The following UBAP2L variants were observed in gnomAD, a reference collection of about 807,000 sequenced individuals.
UBAP2L encodes ubiquitin associated protein 2 like.
A neutral mutation model predicts 130.6 loss-of-function variants in UBAP2L; 12 were observed. The observed-to-expected ratio is 0.09, with a 90% confidence interval of 0.06 to 0.15. The LOEUF is 0.15. Among genes scored for constraint, UBAP2L ranks in the 10% least tolerant of loss-of-function variants. The pLI is 1.00. For missense variants in UBAP2L, 965 were observed against 1,332.5 expected (o/e 0.72, Z 4.29); for synonymous variants, 503 against 524.7 (o/e 0.96, Z 0.57).
intron 11 of UBAP2L, 154 bp downstream of exon 11, chr1:154,246,529 A>C: frequency 1.3e-6 from 1 of 740,798 alleles, no homozygotes; most frequent in South Asian, 2.1e-5. Flanking sequence ...TGAGTTGGGT[A>C]ATAGGGGGTA....
rs573884290 is a variant in UBAP2L at position 154,253,759 on chromosome 1, G to A, written c.1665-141G>A. 7.9e-5 allele frequency: 62 copies of A among 781,420 alleles called. 1 individual carries two copies. The South Asian group carries it at 1.1e-3, about 14-fold the overall frequency. 48.4% of individuals were successfully genotyped at this position (781,420 alleles called of 1,614,324 possible). A position where few individuals can be genotyped will look rare whatever the true frequency, so the allele number is the denominator to read the frequency against. ...CTAGTGTTATCAGGAGGAAATTTTG[G>A]TAGATTCTTCTATTTGTTGCTGAAA... On this transcript the variant is annotated intron_variant, in intron 14 of 26. Coordinates refer to ENST00000428931, the MANE Select transcript of UBAP2L (RefSeq NM_014847.4).
At chr1:154,223,656 A>G (rs1245696817) in intron 1 of UBAP2L, among the ~76,000 whole-genome samples, 2 of 152,030 alleles carry the variant, frequency 1.3e-5, no homozygotes, top group African/African-American at 4.8e-5. Context: ...GGGAAGAGGT[A>G]ATGGGTTAAA....
intron 8 of UBAP2L, among the ~76,000 whole-genome samples, chr1:154,239,114 T>C (rs572736942): frequency 2.0e-5 from 3 of 152,172 alleles, no homozygotes; most frequent in Non-Finnish European, 4.4e-5. Flanking sequence ...CAAACTTGAG[T>C]TTCCCCTTTA....
At chr1:154,251,008 C>A (rs1371526408) in intron 12 of UBAP2L, 33 bp from the exon 13 acceptor site, 3 of 1,580,338 alleles carry the variant, frequency 1.9e-6, no homozygotes, top group Non-Finnish European at 2.6e-6. Flanking sequence ...TCATTAGCAT[C>A]TCTGGCTTCA....
At position 154,243,171 on chromosome 1, in the gene UBAP2L, T is replaced by C. The variant is rs760430458; in HGVS notation, c.757-46T>C. The C allele has an allele frequency of 2.8e-5, 43 of 1,550,046 alleles. No individual in the cohort carries two copies. In the Admixed American group the frequency reaches 6.5e-4, roughly 24 times the overall value. ...CCCTTACCTATGCCAAGTTTCTGAC[T>C]GTAGCATCCCTGACACCAAGAGTGA... On this transcript the variant is annotated intron_variant, in intron 9 of 26. Transcript: ENST00000428931.
At chr1:154,254,543 T>G (rs12733060) in intron 15 of UBAP2L, 1 of 503,152 alleles carries the variant, frequency 2.0e-6, no homozygotes, top group East Asian at 3.7e-5. Context: ...GATGTGGACT[T>G]TGGGCCTTTC....
At chr1:154,263,516 T>C (rs1682278169) in intron 24 of UBAP2L, 2 of 1,037,190 alleles carry the variant, frequency 1.9e-6, no homozygotes, top group South Asian at 4.1e-5. Flanking sequence ...TCTGGCGTTC[T>C]TTCCGTGCAT....
At chr1:154,233,956 T>G (rs921254737) in intron 4 of UBAP2L, among the ~76,000 whole-genome samples, 1 of 151,980 alleles carries the variant, frequency 6.6e-6, no homozygotes, top group African/African-American at 2.4e-5. Flanking sequence ...GCTAAGTGAC[T>G]GAATTAGATA....
chr1:154,227,701 C>T (rs1474943899), intron 3 of UBAP2L, among the ~76,000 whole-genome samples: 1 of 151,964 alleles, frequency 6.6e-6, no homozygotes, highest in Non-Finnish European at 1.5e-5. Flanking sequence ...CGCTCACCAC[C>T]ATGCCTGGCT....
chr1:154,260,553 T>G (rs1408824117), intron 22 of UBAP2L, among the ~76,000 whole-genome samples: 1 of 152,132 alleles, frequency 6.6e-6, no homozygotes, highest in African/African-American at 2.4e-5. Flanking sequence ...GTCCTTCAAG[T>G]CCAGCATGGG....
At chr1:154,266,476 T>C (rs1683265240) in intron 24 of UBAP2L, 25 bp from the exon 25 acceptor site, 1 of 1,612,716 alleles carries the variant, frequency 6.2e-7, no homozygotes, top group African/African-American at 1.3e-5. Context: ...GAGCTAATCC[T>C]CCTGTCTGTT....
chr1:154,230,150 G>A (rs1669353337), intron 4 of UBAP2L, among the ~76,000 whole-genome samples: 1 of 152,144 alleles, frequency 6.6e-6, no homozygotes, highest in Non-Finnish European at 1.5e-5. Context: ...GGGACTACAG[G>A]CATGCACCAC....
At position 154,234,627 on chromosome 1, in the gene UBAP2L, T is replaced by G. The variant is rs771471058; in HGVS notation, c.316T>G (p.Ser106Ala). 5.3e-5 allele frequency: 85 copies of G among 1,613,938 alleles called. No individual in the cohort carries two copies. Among genetic ancestry groups the G allele is most frequent in the Non-Finnish European group, 6.9e-5 (81 of 1,179,996 alleles). Reference sequence around the variant, plus strand: ...GATGGTCGGGAAGAAGAAGGGAGTCTCAGGCCAGAAGGATGGTGGCCAGAC... The same window carrying G: ...GATGGTCGGGAAGAAGAAGGGAGTCGCAGGCCAGAAGGATGGTGGCCAGAC... ...WEMVGKKKGV[S>A]GQKDGGQTES... Residue 106 changes from serine (S) to alanine (A), a missense_variant, in exon 5 of 27, where the codon TCA (serine) becomes GCA (alanine). By Grantham distance (99) the Ser-to-Ala change is moderately conservative. This residue lies in a region of UBAP2L where 109 missense variants were observed against 146.6 expected (regional missense o/e 0.74). Transcript: ENST00000428931.
intron 21 of UBAP2L, 46 bp from the exon 22 acceptor site, chr1:154,259,902 G>T: frequency 6.4e-7 from 1 of 1,566,394 alleles, no homozygotes; most frequent in South Asian, 1.1e-5. Flanking sequence ...TCATGCTGGG[G>T]AATGAGTGAC....
At chr1:154,241,672 T>C in intron 9 of UBAP2L, 107 bp downstream of exon 9, 1 of 1,532,922 alleles carries the variant, frequency 6.5e-7, no homozygotes, top group Non-Finnish European at 8.8e-7. Flanking sequence ...CTTAAGATTC[T>C]GACCCAAAAC....
At chr1:154,254,627 G>A in intron 15 of UBAP2L, 1 of 594,140 alleles carries the variant, frequency 1.7e-6, no homozygotes, top group South Asian at 2.2e-5. Context: ...GTCACACAGT[G>A]TTGGTATATC....
In UBAP2L at chr1:154,225,158, G is replaced by A; in HGVS notation, c.35G>A (p.Gly12Glu). The A allele has an allele frequency of 6.2e-7, 1 of 1,614,094 alleles. No homozygotes were observed. The highest frequency in any genetic ancestry group is 1.3e-5 in the African/African-American group (1 of 75,026). The change falls in exon 2 of 27, where the codon GGA becomes GAA. Residue 12 changes from glycine to glutamate, a missense_variant. By Grantham distance (98) the Gly-to-Glu change is moderately conservative. Around this residue, in one of 9 missense-constraint regions of UBAP2L, gnomAD observed 24 missense variants for 27.7 expected, o/e 0.87. Coordinates refer to ENST00000428931, the MANE Select transcript of UBAP2L (RefSeq NM_014847.4). Reference protein sequence around the residue: ...MTSVGTNRARGNWEQPQNQNQ... With the variant: ...MTSVGTNRARENWEQPQNQNQ... ...TCGGTGGGCACTAACCGAGCCCGGG[G>A]AAACTGGGAACAACCTCAAAACCAA...
intron 7 of UBAP2L, among the ~76,000 whole-genome samples, 190 bp downstream of exon 7, chr1:154,236,801 T>A (rs1671836059): frequency 6.6e-6 from 1 of 152,212 alleles, no homozygotes; most frequent in Admixed American, 6.5e-5. Context: ...TTTGAATCAA[T>A]ATACCTGTTC....
Position 154,270,749 on chromosome 1 carries a change from A to G in UBAP2L, c.*454A>G. 7.2e-7 allele frequency: 1 copy of G among 1,388,386 alleles called. No individual in the cohort carries two copies. The highest frequency in any genetic ancestry group is 1.6e-5 in the South Asian group (1 of 63,792). 86.0% of individuals were successfully genotyped at this position (1,388,386 alleles called of 1,614,324 possible). On this transcript the variant is annotated 3_prime_UTR_variant, in exon 27 of 27. Transcript: ENST00000428931. ...TATGAACAGCATTGTCAGATGAATTAGTTGAAGTGGTTTTTTTTTTGTTTT... is the reference window on the plus strand; with the variant it reads ...TATGAACAGCATTGTCAGATGAATTGGTTGAAGTGGTTTTTTTTTTGTTTT...
Sources: gnomAD v4.1 joint callset for allele counts (sites outside exome capture counted in the v4.1 genomes callset) on GRCh38, gnomAD v4.1.1 for gene constraint, gnomAD v4.1.1 regional missense constraint, MANE v1.5 for transcripts, NCBI Gene and HGNC (gene_info 2026-07-23, HGNC 2026-07-21) for gene names.